The following FSTL4 variants were observed in gnomAD, a reference collection of about 807,000 sequenced individuals.
The protein encoded by FSTL4 is follistatin like 4.
A neutral mutation model predicts 78.2 loss-of-function variants in FSTL4; 28 were observed. That is an observed-to-expected ratio of 0.36 (90% confidence interval 0.27 to 0.49). FSTL4 has a LOEUF of 0.49. FSTL4 is among the 20% of genes least tolerant of loss of function. The pLI is 0.98. For missense variants in FSTL4, 922 were observed against 1,084.9 expected (o/e 0.85, Z 2.11); for synonymous variants, 422 against 440.5 (o/e 0.96, Z 0.53).
At chr5:133,322,519 A>G (rs1754096420) in intron 4 of FSTL4, among the ~76,000 whole-genome samples, 1 of 152,168 alleles carries the variant, frequency 6.6e-6, no homozygotes, top group African/African-American at 2.4e-5. Context: ...CTGGGAAGGG[A>G]GAAAAGCCAA....
At chr5:133,819,698 C>T in the FSTL4 span, among the ~76,000 whole-genome samples, 2 of 152,230 alleles carry the variant, frequency 1.3e-5, no homozygotes. Context: ...CCTGTTTCCA[C>T]ATTCAAATTT....
chr5:133,655,610 C>T, the FSTL4 span, among the ~76,000 whole-genome samples: 2 of 152,068 alleles, frequency 1.3e-5, no homozygotes, highest in African/African-American at 4.8e-5. Flanking sequence ...ACATTGAATA[C>T]TTGTGTTCAT....
chr5:133,290,345 G>A (rs1753230951), intron 6 of FSTL4, among the ~76,000 whole-genome samples: 1 of 152,226 alleles, frequency 6.6e-6, no homozygotes, highest in Admixed American at 6.5e-5. Flanking sequence ...TCTGCCGCCA[G>A]CACTGGGCGA....
At chr5:133,697,554 A>G in the FSTL4 span, among the ~76,000 whole-genome samples, 6 of 152,258 alleles carry the variant, frequency 3.9e-5, no homozygotes, top group African/African-American at 1.4e-4. Context: ...ACAGCTAATG[A>G]GGAGTGAAAA....
the FSTL4 span, among the ~76,000 whole-genome samples, chr5:133,745,783 G>A: frequency 1.3e-5 from 2 of 152,224 alleles, no homozygotes; most frequent in Admixed American, 6.5e-5. Context: ...TTTGTCAATA[G>A]GTACAGCCCA....
Position 133,611,468 on chromosome 5 carries a change from G to T in FSTL4, c.-11+857C>A, listed in dbSNP as rs1761090450. 6.6e-6 allele frequency among the ~76,000 whole-genome samples: 1 copy of T among 152,232 alleles called. No homozygotes were observed. Among genetic ancestry groups the T allele is most frequent in the African/African-American group, 2.4e-5 (1 of 41,468 alleles). On this transcript the variant is annotated intron_variant, in intron 1 of 15. Coordinates refer to ENST00000265342, the MANE Select transcript of FSTL4 (RefSeq NM_015082.2). This position sits in a 1 kb window ranked among gnomAD's most constrained non-coding sequence, Gnocchi z 4.9. ...GCGCCGAAAGCAGAGTGCTGTGCCT[G>T]CCTCGTCCAGGTCCCTCCTGAAACT...
At position 133,199,047 on chromosome 5, in the gene FSTL4, G is replaced by T. The variant is rs756364860; in HGVS notation, c.*48C>A. 1 of 1,203,034 alleles carries T rather than the reference G, an allele frequency of 8.3e-7. No individual in the cohort carries two copies. The highest frequency in any genetic ancestry group is 1.2e-6 in the Non-Finnish European group (1 of 859,138). The allele number at this position is 1,203,034 out of a possible 1,614,324, so 74.5% of individuals were successfully genotyped here. ...CAGCGTACCTGCTTGAGGCTGCAGTGTCAGGACTAGGGGGTGTTCCTTGGC... is the reference window on the plus strand; with the variant it reads ...CAGCGTACCTGCTTGAGGCTGCAGTTTCAGGACTAGGGGGTGTTCCTTGGC... On this transcript the variant is annotated 3_prime_UTR_variant, in exon 16 of 16. Coordinates refer to ENST00000265342, the MANE Select transcript of FSTL4 (RefSeq NM_015082.2). The surrounding 1 kb of genome is among the most constrained non-coding windows in gnomAD (Gnocchi z 4.4).
chr5:133,239,982 A>G (rs546443771), intron 7 of FSTL4, among the ~76,000 whole-genome samples: 15 of 152,368 alleles, frequency 9.8e-5, no homozygotes, highest in African/African-American at 3.1e-4. Flanking sequence ...CTCCGGAGTC[A>G]GAAGTGGCAA....
the FSTL4 span, among the ~76,000 whole-genome samples, chr5:133,703,076 A>G: frequency 6.6e-6 from 1 of 152,246 alleles, no homozygotes; most frequent in South Asian, 2.1e-4. Context: ...CAAAGTCTTA[A>G]TATGACCTGT....
chr5:133,355,800 C>T (rs1451291580), intron 4 of FSTL4, among the ~76,000 whole-genome samples: 1 of 152,226 alleles, frequency 6.6e-6, no homozygotes, highest in Non-Finnish European at 1.5e-5. Context: ...TTATTTCAGA[C>T]TCAGAATTCT....
At chr5:133,643,015 T>A in the FSTL4 span, among the ~76,000 whole-genome samples, 1 of 152,232 alleles carries the variant, frequency 6.6e-6, no homozygotes, top group South Asian at 2.1e-4. Flanking sequence ...TTAGAAAATG[T>A]ATGTCTATTA....
chr5:133,393,722 A>G (rs1185839923), intron 4 of FSTL4, among the ~76,000 whole-genome samples: 1 of 152,170 alleles, frequency 6.6e-6, no homozygotes, highest in Admixed American at 6.5e-5. Context: ...TCCCCTGGTA[A>G]CCTTCTGGGT....
intron 4 of FSTL4, among the ~76,000 whole-genome samples, chr5:133,363,931 C>T (rs1296720892): frequency 6.6e-6 from 1 of 152,192 alleles, no homozygotes; most frequent in Non-Finnish European, 1.5e-5. Flanking sequence ...TGGGTTAATT[C>T]ATAGACGGCG....
chr5:133,731,456 C>G, the FSTL4 span, among the ~76,000 whole-genome samples: 2 of 152,196 alleles, frequency 1.3e-5, no homozygotes, highest in African/African-American at 4.8e-5. Flanking sequence ...CCCAAGGCCA[C>G]ACAGCAAGCT....
chr5:133,428,269 GTCATACGCA>G (rs1756868282), intron 3 of FSTL4, among the ~76,000 whole-genome samples: 1 of 152,170 alleles, frequency 6.6e-6, no homozygotes, highest in Non-Finnish European at 1.5e-5. Context: ...GATGTAATCT[GTCATACGCA>G]TCATGGCAGA....
intron 6 of FSTL4, among the ~76,000 whole-genome samples, chr5:133,278,903 C>T (rs1752948738): frequency 6.6e-6 from 1 of 152,208 alleles, no homozygotes; most frequent in African/African-American, 2.4e-5. Flanking sequence ...GCAAGGTAGC[C>T]TCAGGTATAC....
chr5:133,462,404 A>C (rs1406250781), intron 3 of FSTL4, among the ~76,000 whole-genome samples: 1 of 152,226 alleles, frequency 6.6e-6, no homozygotes, highest in Non-Finnish European at 1.5e-5. Context: ...TTCTCACTCC[A>C]AGATGTAGAA....
chr5:133,592,318 A>G (rs915561697), intron 2 of FSTL4, among the ~76,000 whole-genome samples: 2 of 152,198 alleles, frequency 1.3e-5, no homozygotes, highest in African/African-American at 4.8e-5. Flanking sequence ...CTTCTTTCTC[A>G]TAATCCCACG....
intron 3 of FSTL4, among the ~76,000 whole-genome samples, chr5:133,410,222 CA>C (rs1756451038): frequency 6.6e-6 from 1 of 152,166 alleles, no homozygotes; most frequent in Admixed American, 6.5e-5. Flanking sequence ...ACACTTCCTC[CA>C]AATATATTCC....
Sources: gnomAD v4.1 joint callset for allele counts (sites outside exome capture counted in the v4.1 genomes callset) on GRCh38, gnomAD v4.1.1 for gene constraint, Gnocchi (gnomAD v3.1) non-coding constraint, MANE v1.5 for transcripts, NCBI Gene and HGNC (gene_info 2026-07-23, HGNC 2026-07-21) for gene names.